The following GSG1L variants were observed in gnomAD, a reference collection of about 807,000 sequenced individuals.
GSG1L encodes the protein germ cell-specific gene 1-like protein.
In GSG1L, 24 loss-of-function variants were observed where a neutral mutation model predicts 42.1. That is an observed-to-expected ratio of 0.57 (90% CI 0.41 to 0.80). GSG1L has a LOEUF of 0.80. GSG1L is among the 30% of genes least tolerant of loss of function. The pLI is 0.00. For synonymous variants in GSG1L, 215 were observed against 203.5 expected, an observed-to-expected ratio of 1.06 and a Z score of -0.48; for missense variants, 445 against 472.2, an observed-to-expected ratio of 0.94 and a Z score of 0.53.
At chr16:27,852,217 G>C (rs1192644911) in intron 3 of GSG1L, among the ~76,000 whole-genome samples, 1 of 152,246 alleles carries the variant, frequency 6.6e-6, no homozygotes, top group Non-Finnish European at 1.5e-5. Context: ...CGGGACTTGA[G>C]ACACAGAGGG....
At chr16:27,874,653 T>C (rs1457310425) in intron 3 of GSG1L, among the ~76,000 whole-genome samples, 2 of 151,910 alleles carry the variant, frequency 1.3e-5, no homozygotes, top group East Asian at 1.9e-4. Flanking sequence ...CATGATGTGT[T>C]GGAGGGTGAT....
chr16:27,971,974 G>A (rs932940251), intron 1 of GSG1L, among the ~76,000 whole-genome samples: 3 of 152,168 alleles, frequency 2.0e-5, no homozygotes, highest in Admixed American at 2.0e-4. Flanking sequence ...CAGCCAGTAA[G>A]AAATGGAGCA....
intron 6 of GSG1L, among the ~76,000 whole-genome samples, chr16:27,797,714 C>T (rs368059172): frequency 8.6e-4 from 115 of 133,622 alleles, no homozygotes; most frequent in Non-Finnish European, 1.2e-3. Context: ...CCCAGCTACT[C>T]GGGAGGCTGA....
chr16:27,982,404 G>A (rs1567544111), intron 1 of GSG1L, among the ~76,000 whole-genome samples: 1 of 152,170 alleles, frequency 6.6e-6, no homozygotes, highest in South Asian at 2.1e-4. Context: ...AGTGGGTCAC[G>A]TGACTAGTTC....
At chr16:27,932,347 C>G (rs1234658951) in intron 2 of GSG1L, among the ~76,000 whole-genome samples, 1 of 152,212 alleles carries the variant, frequency 6.6e-6, no homozygotes, top group Non-Finnish European at 1.5e-5. Flanking sequence ...GCCACTTAGC[C>G]TGGCCAGAAC....
intron 1 of GSG1L, among the ~76,000 whole-genome samples, chr16:27,996,453 T>G (rs1213962430): frequency 6.6e-6 from 1 of 152,108 alleles, no homozygotes; most frequent in Admixed American, 6.5e-5. Flanking sequence ...ATTAATTAAA[T>G]AAGAAACATA....
chr16:27,888,473 T>TTTCCTTCCTTC (rs1567505809), intron 2 of GSG1L, among the ~76,000 whole-genome samples: 1 of 75,388 alleles, frequency 1.3e-5, no homozygotes, highest in African/African-American at 4.0e-5. Context: ...TCTCTCTCTC[T>TTTCCTTCCTTC]CTCTCTTTCC....
rs66820312 is a variant in GSG1L, at chr16:27,915,196, T to TACACACAC, written c.398-30566_398-30559dup. ...GAGGTGTCTCTTCCCCCAGAGGATG[T>TACACACAC]ACACACACACACACACACACACACA... On this transcript the variant is annotated intron_variant, in intron 2 of 6. Transcript: ENST00000447459. 4.2e-3 allele frequency among the ~76,000 whole-genome samples: 514 copies of TACACACAC among 121,852 alleles called. 5 individuals are homozygous for TACACACAC. Among genetic ancestry groups the TACACACAC allele is most frequent in the East Asian group, 0.015 (56 of 3,806 alleles). The allele number at this position is 121,852 out of a possible 152,430, so 79.9% of individuals were successfully genotyped here.
At chr16:27,826,892 A>T (rs769150044) in intron 5 of GSG1L, among the ~76,000 whole-genome samples, 2 of 152,172 alleles carry the variant, frequency 1.3e-5, no homozygotes, top group African/African-American at 4.8e-5. Context: ...GCATAACAGC[A>T]CCTGCATGGG....
chr16:27,802,429 C>A (rs2082893726), intron 6 of GSG1L, among the ~76,000 whole-genome samples: 1 of 152,136 alleles, frequency 6.6e-6, no homozygotes, highest in Non-Finnish European at 1.5e-5. Context: ...GAGTTCCCAG[C>A]AACTCCGCTA....
chr16:27,914,802 G>A (rs1470666520), intron 2 of GSG1L, among the ~76,000 whole-genome samples: 2 of 152,112 alleles, frequency 1.3e-5, no homozygotes, highest in Non-Finnish European at 2.9e-5. Flanking sequence ...CATGGGAAAA[G>A]GATACAACCA....
At chr16:28,053,359 G>C (rs918048057) in intron 1 of GSG1L, among the ~76,000 whole-genome samples, 1 of 152,158 alleles carries the variant, frequency 6.6e-6, no homozygotes, top group African/African-American at 2.4e-5. Context: ...GTTATTATTA[G>C]CGTATTATTA....
At position 27,962,799 on chromosome 16, in the gene GSG1L, A is replaced by G. The variant is rs949689619; in HGVS notation, c.397+357T>C. On this transcript the variant is annotated intron_variant, in intron 2 of 6. Transcript: ENST00000447459. ...CCAGGCACCTGGCTTCCCTCCCCCA[A>G]GGTCAAATCCTACAGCTGGAGGCAA... Among the ~76,000 whole-genome samples, 4 of 152,152 alleles carry G rather than the reference A, an allele frequency of 2.6e-5. No homozygotes were observed. In the East Asian group the frequency reaches 7.7e-4, roughly 29 times the overall value.
chr16:27,982,365 C>A (rs2085335299), intron 1 of GSG1L, among the ~76,000 whole-genome samples: 1 of 152,192 alleles, frequency 6.6e-6, no homozygotes, highest in Admixed American at 6.5e-5. Flanking sequence ...TTCCCAGCAT[C>A]CCCCGCATCC....
chr16:27,845,709 T>C (rs1460460278), intron 3 of GSG1L, among the ~76,000 whole-genome samples: 1 of 152,174 alleles, frequency 6.6e-6, no homozygotes, highest in African/African-American at 2.4e-5. Flanking sequence ...TATATTTCTC[T>C]TAGTACTAGT....
Position 27,791,319 on chromosome 16 carries a change from G to A in GSG1L, c.*51C>T, listed in dbSNP as rs1374740671. ...CACCACTCTGGTGGTCTTGCAGCAG[G>A]GGCTGGTGCCAGCGATGGCCTGAGG... On this transcript the variant is annotated 3_prime_UTR_variant, in exon 7 of 7. Coordinates refer to ENST00000447459, the MANE Select transcript of GSG1L (RefSeq NM_001109763.2). 1.2e-5 allele frequency: 14 copies of A among 1,193,314 alleles called. 1 individual carries two copies. In the Admixed American group the frequency reaches 4.2e-4, roughly 35 times the overall value. The allele number at this position is 1,193,314 out of a possible 1,614,324, so 73.9% of individuals were successfully genotyped here.
At chr16:27,828,978 G>A in intron 4 of GSG1L, 22 bp from the exon 5 acceptor site, 2 of 1,611,654 alleles carry the variant, frequency 1.2e-6, no homozygotes, top group Non-Finnish European at 1.7e-6. Context: ...TCAGGAGAGA[G>A]ATGCCATCGT....
chr16:27,842,998 C>T (rs2083403563), intron 4 of GSG1L, among the ~76,000 whole-genome samples: 1 of 152,160 alleles, frequency 6.6e-6, no homozygotes, highest in Admixed American at 6.5e-5. Context: ...ACTCTCCTCC[C>T]CACACACATC....
At chr16:27,815,085 G>A (rs751495486) in intron 5 of GSG1L, among the ~76,000 whole-genome samples, 18 of 152,056 alleles carry the variant, frequency 1.2e-4, no homozygotes, top group East Asian at 5.8e-4. Context: ...ATGAGCCATC[G>A]CACCCAACCA....
Sources: allele counts gnomAD v4.1 joint callset (sites outside exome capture counted in the v4.1 genomes callset), GRCh38; gene constraint gnomAD v4.1.1; transcripts MANE v1.5; gene names NCBI Gene and HGNC (gene_info 2026-07-23, HGNC 2026-07-21).